The following CDH10 variants were observed in gnomAD, a reference collection of about 807,000 sequenced individuals.
The protein encoded by CDH10 is cadherin-10.
CDH10 carries 30 observed loss-of-function variants against 73.1 expected under a neutral mutation model. The ratio of observed to expected loss-of-function variants is 0.41; its 90% confidence interval spans 0.31 to 0.56. CDH10 has a LOEUF of 0.56. Among genes scored for constraint, CDH10 ranks in the 20% least tolerant of loss-of-function variants. The probability of loss-of-function intolerance (pLI) is 0.27; values close to 1 mark genes in which losing one functional copy is unlikely to be tolerated. For synonymous variants in CDH10, 345 were observed against 348.2 expected (o/e 0.99, Z 0.10); for missense variants, 815 against 973.7 (o/e 0.84, Z 2.17).
intron 2 of CDH10, among the ~76,000 whole-genome samples, chr5:24,549,804 A>T (rs1744479963): frequency 6.6e-6 from 1 of 152,062 alleles, no homozygotes; most frequent in Admixed American, 6.6e-5. Flanking sequence ...TGCTCGCCTC[A>T]GCCTCCCAAA....
At chr5:24,612,495 T>G (rs1746984390) in intron 1 of CDH10, 1 of 152,210 alleles carries the variant, frequency 6.6e-6, no homozygotes, top group South Asian at 2.1e-4. Flanking sequence ...CAACTGACAG[T>G]ACGGTTGAAT....
chr5:24,614,338 C>T (rs1747057396), intron 1 of CDH10, among the ~76,000 whole-genome samples: 1 of 152,156 alleles, frequency 6.6e-6, no homozygotes, highest in Non-Finnish European at 1.5e-5. Flanking sequence ...TCCTTAATTC[C>T]TTCTAAAACC....
chr5:24,557,586 G>T (rs976140618), intron 2 of CDH10, among the ~76,000 whole-genome samples: 12 of 151,664 alleles, frequency 7.9e-5, no homozygotes, highest in Admixed American at 2.6e-4. Context: ...CTGTTTGCTT[G>T]CATCCTTTAG....
chr5:24,543,772 A>G (rs1235754232), intron 2 of CDH10, among the ~76,000 whole-genome samples: 1 of 152,170 alleles, frequency 6.6e-6, no homozygotes, highest in African/African-American at 2.4e-5. Flanking sequence ...CAAAGCCAGC[A>G]AACACAATCT....
intron 1 of CDH10, among the ~76,000 whole-genome samples, chr5:24,618,403 A>C (rs750881785): frequency 2.0e-5 from 3 of 152,220 alleles, no homozygotes; most frequent in Non-Finnish European, 4.4e-5. Flanking sequence ...TCAATTAACA[A>C]GATGTTTACT....
chr5:24,504,506 C>CTTTTTTTTTT lies in CDH10; in HGVS notation c.1393+596_1393+605dup, dbSNP rs70965605. Among the ~76,000 whole-genome samples, 14 of 65,154 alleles carry CTTTTTTTTTT rather than the reference C, an allele frequency of 2.1e-4. 3 individuals are homozygous for CTTTTTTTTTT. Among genetic ancestry groups the CTTTTTTTTTT allele is most frequent in the Non-Finnish European group, 4.1e-4 (14 of 33,958 alleles). The allele number at this position is 65,154 out of a possible 152,430, so 42.7% of individuals were successfully genotyped here. On this transcript the variant is annotated intron_variant, in intron 8 of 11. Transcript: ENST00000264463. Reference sequence around the variant, plus strand: ...TATTAAATGCTTTTCTCCTATTAATCTTTTTTTTTTTTTTTTTTTTTTTTT... The same window carrying CTTTTTTTTTT: ...TATTAAATGCTTTTCTCCTATTAATCTTTTTTTTTTTTTTTTTTTTTTTTTTTTTTTTTTT...
intron 2 of CDH10, among the ~76,000 whole-genome samples, chr5:24,553,812 G>C (rs186504588): frequency 6.6e-6 from 1 of 152,088 alleles, no homozygotes; most frequent in South Asian, 2.1e-4. Context: ...TGGAGAGAAC[G>C]TAAGTAGCTA....
chr5:24,563,719 G>A lies in CDH10; in HGVS notation c.232-26045C>T, dbSNP rs1479470683. ...TGGGAGGCGGAGCTTGCAGTGAGCC[G>A]AGATCCTGCACTGCACTCCAGCCTG... On this transcript the variant is annotated intron_variant, in intron 2 of 11. Transcript: ENST00000264463. Among the ~76,000 whole-genome samples, 5 of 146,660 alleles carry A rather than the reference G, an allele frequency of 3.4e-5. No individual in the cohort carries two copies. In the South Asian group the frequency reaches 8.5e-4, roughly 25 times the overall value.
chr5:24,612,550 A>G (rs748301284), intron 1 of CDH10: 3 of 152,182 alleles, frequency 2.0e-5, no homozygotes, highest in Non-Finnish European at 2.9e-5. Flanking sequence ...AGGTTATCCA[A>G]TTGAGAAACC....
At chr5:24,530,016 CTTTTTTTTTT>C (rs34282847) in intron 5 of CDH10, among the ~76,000 whole-genome samples, 2 of 121,846 alleles carry the variant, frequency 1.6e-5, no homozygotes, top group Admixed American at 9.3e-5. Flanking sequence ...TCTATTTTTA[CTTTTTTTTTT>C]TTTTTTTTTT....
chr5:24,626,119 C>T (rs1014882313), intron 1 of CDH10, among the ~76,000 whole-genome samples: 3 of 152,050 alleles, frequency 2.0e-5, no homozygotes, highest in African/African-American at 7.2e-5. Context: ...ACACAAATCA[C>T]AAAACCAATG....
Position 24,535,156 on chromosome 5 carries a change from A to G in CDH10, c.770T>C (p.Ile257Thr), listed in dbSNP as rs2111876723. The G allele has an allele frequency of 6.2e-7, 1 of 1,613,010 alleles. No individual in the cohort carries two copies. The highest frequency in any genetic ancestry group is 8.5e-7 in the Non-Finnish European group (1 of 1,179,600). The change falls in exon 5 of 12, where the codon ATC becomes ACC. Residue 257 changes from isoleucine to threonine, a missense_variant. This residue lies in a region of CDH10 where 516 missense variants were observed against 636.6 expected (regional missense o/e 0.81). Coordinates refer to ENST00000264463, the MANE Select transcript of CDH10 (RefSeq NM_006727.5). ...GGLSGTTTVN[I>T]TLTDVNDNPP... ...GTTGTCATTGACATCTGTCAGCGTG[A>G]TGTTCACAGTGGTTGTCCCCGATAA...
chr5:24,619,627 AGAT>A (rs1747243550), intron 1 of CDH10, among the ~76,000 whole-genome samples: 1 of 152,252 alleles, frequency 6.6e-6, no homozygotes, highest in African/African-American at 2.4e-5. Flanking sequence ...TTGGAGGGCC[AGAT>A]GCAAAATGCT....
chr5:24,611,087 T>G (rs567150398), intron 1 of CDH10, among the ~76,000 whole-genome samples: 1 of 152,320 alleles, frequency 6.6e-6, no homozygotes, highest in East Asian at 1.9e-4. Flanking sequence ...CCTTACCTTT[T>G]TATACCCAGC....
At chr5:24,630,312 C>A (rs1747659956) in intron 1 of CDH10, among the ~76,000 whole-genome samples, 1 of 151,814 alleles carries the variant, frequency 6.6e-6, no homozygotes, top group Admixed American at 6.6e-5. Context: ...CTTTGTAATC[C>A]CAGCTGAGGC....
intron 5 of CDH10, among the ~76,000 whole-genome samples, chr5:24,516,882 C>T (rs1240289621): frequency 1.3e-5 from 2 of 151,102 alleles, no homozygotes; most frequent in Admixed American, 6.6e-5. Context: ...TCATATAGTG[C>T]AGTATTAAAA....
At chr5:24,614,217 G>A (rs1013164030) in intron 1 of CDH10, among the ~76,000 whole-genome samples, 4 of 152,060 alleles carry the variant, frequency 2.6e-5, no homozygotes, top group African/African-American at 7.2e-5. Context: ...TAAGTTCTAC[G>A]GATAGGCTAT....
intron 2 of CDH10, among the ~76,000 whole-genome samples, chr5:24,547,910 C>T (rs2111937861): frequency 6.6e-6 from 1 of 152,276 alleles, no homozygotes; most frequent in South Asian, 2.1e-4. Flanking sequence ...AGTGGCAAAA[C>T]ACACAGACAA....
At chr5:24,603,040 A>T (rs899566916) in intron 1 of CDH10, among the ~76,000 whole-genome samples, 1 of 152,180 alleles carries the variant, frequency 6.6e-6, no homozygotes, top group East Asian at 1.9e-4. Flanking sequence ...TCTGATAATG[A>T]AACTCTAAAA....
Sources: gnomAD v4.1 joint callset for allele counts (sites outside exome capture counted in the v4.1 genomes callset) on GRCh38, gnomAD v4.1.1 for gene constraint, gnomAD v4.1.1 regional missense constraint, MANE v1.5 for transcripts, NCBI Gene and HGNC (gene_info 2026-07-23, HGNC 2026-07-21) for gene names.